The following TMEM183A variants were observed in gnomAD, a reference collection of about 807,000 sequenced individuals.
TMEM183A encodes the protein chromosome 1 open reading frame 37.
Under a neutral mutation model 46.7 loss-of-function variants are expected in TMEM183A, and 21 were observed. That is an observed-to-expected ratio of 0.45 (90% CI 0.32 to 0.65). The LOEUF is 0.65. Among genes scored for constraint, TMEM183A ranks in the 30% least tolerant of loss-of-function variants. The pLI is 0.04. For synonymous variants in TMEM183A, 165 were observed against 180.2 expected (o/e 0.92, Z 0.68); for missense variants, 331 against 481.9 (o/e 0.69, Z 2.93).
chr1:203,010,785 A>T (rs1310261296), intron 3 of TMEM183A, among the ~76,000 whole-genome samples: 1 of 152,222 alleles, frequency 6.6e-6, no homozygotes, highest in Admixed American at 6.5e-5. Flanking sequence ...AACCATCAAC[A>T]TGGTCTAAGT....
chr1:203,012,032 G>C (rs1656651980), intron 3 of TMEM183A, among the ~76,000 whole-genome samples: 1 of 151,278 alleles, frequency 6.6e-6, no homozygotes, highest in East Asian at 1.9e-4. Context: ...CTTCAACAAT[G>C]ATCAACTCAT....
intron 2 of TMEM183A, 128 bp from the exon 3 acceptor site, chr1:203,008,515 C>A: frequency 6.5e-5 from 37 of 571,666 alleles, no homozygotes; most frequent in Non-Finnish European, 8.2e-5. Flanking sequence ...GTGACAGATT[C>A]TCACCTTTCT....
chr1:203,009,610 T>C (rs928654618), intron 3 of TMEM183A, among the ~76,000 whole-genome samples: 15 of 152,248 alleles, frequency 9.9e-5, no homozygotes, highest in Admixed American at 5.2e-4. Context: ...GCCTTTTGAG[T>C]AGCTGGGACT....
chr1:203,019,701 G>C (rs1045936873), intron 6 of TMEM183A, among the ~76,000 whole-genome samples: 1 of 152,070 alleles, frequency 6.6e-6, no homozygotes, highest in Non-Finnish European at 1.5e-5. Flanking sequence ...GTAAGCCTAA[G>C]AGACAGAGAA....
intron 3 of TMEM183A, among the ~76,000 whole-genome samples, chr1:203,009,342 C>T (rs1056968763): frequency 1.1e-4 from 16 of 152,130 alleles, no homozygotes; most frequent in Admixed American, 4.6e-4. Context: ...TTTTTTATAT[C>T]CTAATGGCAA....
intron 6 of TMEM183A, among the ~76,000 whole-genome samples, chr1:203,020,380 C>A (rs995517109): frequency 1.3e-5 from 2 of 152,108 alleles, no homozygotes; most frequent in Non-Finnish European, 2.9e-5. Context: ...CCTTTAGTTC[C>A]GAGACTTGTG....
chr1:203,017,577 T>C (rs1657286020), intron 5 of TMEM183A, among the ~76,000 whole-genome samples: 1 of 152,246 alleles, frequency 6.6e-6, no homozygotes, highest in Non-Finnish European at 1.5e-5. Flanking sequence ...TGTGCCTTGT[T>C]AGAGATCTTC....
Position 203,007,480 on chromosome 1 carries a change from C to T in TMEM183A, c.15C>T (p.Pro5=), listed in dbSNP as rs779404263. The T allele has an allele frequency of 2.4e-5, 36 of 1,470,390 alleles. No individual in the cohort carries two copies. The African/African-American group carries it at 2.8e-4, about 11-fold the overall frequency. The allele number at this position is 1,470,390 out of a possible 1,614,324, so 91.1% of individuals were successfully genotyped here. A position where few individuals can be genotyped will look rare whatever the true frequency, so the allele number is the denominator to read the frequency against. MARG[P]GPLGRPRPDT... ...CGGCCGGAGACATGGCCCGGGGGCC[C>T]GGCCCGCTAGGCAGGCCTCGCCCCG... Residue 5 remains proline, a synonymous_variant, in exon 1 of 8, where the codon CCC becomes CCT. Coordinates refer to ENST00000367242, the MANE Select transcript of TMEM183A (RefSeq NM_138391.6).
rs1341778327 is a variant in TMEM183A, at chr1:203,024,270, A to G, written c.*1230A>G. 1 of 152,112 alleles carries G rather than the reference A, an allele frequency of 6.6e-6. No individual in the cohort carries two copies. The highest frequency in any genetic ancestry group is 2.4e-5 in the African/African-American group (1 of 41,396). 9.4% of individuals were successfully genotyped at this position (152,112 alleles called of 1,614,324 possible). A position where few individuals can be genotyped will look rare whatever the true frequency, so the allele number is the denominator to read the frequency against. The stretch of plus-strand genomic sequence containing the variant: ...ATGCTTATGTCCTCCTGTTGTTTAG[A>G]TGACTCCTATTGTTCAGGTGTACTC... On this transcript the variant is annotated 3_prime_UTR_variant, in exon 8 of 8. Coordinates refer to ENST00000367242, the MANE Select transcript of TMEM183A (RefSeq NM_138391.6).
intron 3 of TMEM183A, among the ~76,000 whole-genome samples, chr1:203,012,235 T>TCTCACACACACACACACA (rs370305350): frequency 2.5e-5 from 2 of 80,836 alleles, no homozygotes; most frequent in South Asian, 4.9e-4. Flanking sequence ...CCCCACTCCA[T>TCTCACACACACACACACA]CACACACACA....
At chr1:203,012,852 C>T (rs1033773448) in intron 3 of TMEM183A, among the ~76,000 whole-genome samples, 6 of 152,164 alleles carry the variant, frequency 3.9e-5, no homozygotes, top group Admixed American at 3.9e-4. Context: ...ACCTCAGCCT[C>T]CTGAGTAGCA....
At position 203,013,744 on chromosome 1, in the gene TMEM183A, A is replaced by G. The variant is rs996021630; in HGVS notation, c.368-1145A>G. ...TAGCCAGGTTGCTCTCGATCTCCTG[A>G]CCTCGCGATTCGCCCACCTCGGCCT... On this transcript the variant is annotated intron_variant, in intron 3 of 7. Coordinates refer to ENST00000367242, the MANE Select transcript of TMEM183A (RefSeq NM_138391.6). The surrounding 1 kb of genome is among the most constrained non-coding windows in gnomAD (Gnocchi z 4.0). 1.3e-5 allele frequency among the ~76,000 whole-genome samples: 2 copies of G among 151,292 alleles called. No individual in the cohort carries two copies. Among genetic ancestry groups the G allele is most frequent in the Non-Finnish European group, 2.9e-5 (2 of 67,944 alleles).
At chr1:203,016,273 A>G in intron 5 of TMEM183A, 133 bp downstream of exon 5, 3 of 1,295,334 alleles carry the variant, frequency 2.3e-6, no homozygotes, top group East Asian at 2.5e-5. Context: ...TGTAAACTTC[A>G]GGGCTCAGAG....
In TMEM183A at chr1:203,015,079, T is replaced by G. The variant is rs772717791; in HGVS notation, c.527+31T>G. The G allele has an allele frequency of 1.9e-6, 3 of 1,605,572 alleles. No individual in the cohort carries two copies. In the South Asian group the frequency reaches 3.3e-5, roughly 18 times the overall value. ...ACCACAGAGAGCTCACTCTTTTATC[T>G]GTGTGGCTGATTTCATTACTGTTTG... On this transcript the variant is annotated intron_variant, in intron 4 of 7. Coordinates refer to ENST00000367242, the MANE Select transcript of TMEM183A (RefSeq NM_138391.6).
intron 6 of TMEM183A, among the ~76,000 whole-genome samples, chr1:203,019,105 C>CT: frequency 6.6e-6 from 1 of 152,310 alleles, no homozygotes; most frequent in East Asian, 1.9e-4. Context: ...CTGGAACTTT[C>CT]TGAGTGGCAA....
At chr1:203,007,890 C>G (rs1656131439) in intron 2 of TMEM183A, 27 bp downstream of exon 2, 3 of 1,613,306 alleles carry the variant, frequency 1.9e-6, no homozygotes, top group Non-Finnish European at 2.5e-6. Flanking sequence ...CCTTTAAAGA[C>G]TCATGCCGCG....
chr1:203,011,953 C>CT (rs201867940), intron 3 of TMEM183A, among the ~76,000 whole-genome samples: 1,522 of 146,400 alleles, frequency 0.01, 23 homozygotes, highest in African/African-American at 0.036. Flanking sequence ...TTTTAAAAGC[C>CT]TTTTTTTTAA....
At chr1:203,022,049 A>G (rs931392148) in intron 7 of TMEM183A, among the ~76,000 whole-genome samples, 1 of 152,020 alleles carries the variant, frequency 6.6e-6, no homozygotes, top group South Asian at 2.1e-4. Context: ...TATAATTGAG[A>G]TTGTGTCATA....
At chr1:203,018,952 T>TAC (rs1657421350) in intron 6 of TMEM183A, among the ~76,000 whole-genome samples, 1 of 152,226 alleles carries the variant, frequency 6.6e-6, no homozygotes, top group South Asian at 2.1e-4. Flanking sequence ...AGGCCCTACC[T>TAC]CTTAATACTA....
Sources: allele counts gnomAD v4.1 joint callset (sites outside exome capture counted in the v4.1 genomes callset), GRCh38; gene constraint gnomAD v4.1.1; non-coding constraint Gnocchi (gnomAD v3.1); transcripts MANE v1.5; gene names NCBI Gene and HGNC (gene_info 2026-07-23, HGNC 2026-07-21).